Variants in ZNF679 observed in about 807,000 individuals in gnomAD.
ZNF679 encodes hypothetical protein MGC42415.
A neutral mutation model predicts 13.4 loss-of-function variants in ZNF679; 10 were observed. That is an observed-to-expected ratio of 0.75 (90% CI 0.46 to 1.27). The LOEUF is 1.27. Among genes scored for constraint, ZNF679 ranks in the 50% most tolerant of loss-of-function variants. The pLI is 0.00. For synonymous variants in ZNF679, 179 were observed against 162.5 expected (o/e 1.10, Z -0.77); for missense variants, 525 against 477.8 (o/e 1.10, Z -0.92).
intron 2 of ZNF679, among the ~76,000 whole-genome samples, chr7:64,251,289 T>C (rs1253874760): frequency 2.0e-5 from 3 of 151,866 alleles, no homozygotes. Flanking sequence ...CCATCTCTAC[T>C]AAAAATACAA....
intron 2 of ZNF679, among the ~76,000 whole-genome samples, chr7:64,252,652 C>T (rs1285528074): frequency 6.6e-6 from 1 of 152,202 alleles, no homozygotes; most frequent in African/African-American, 2.4e-5. Context: ...TTCATCAAAA[C>T]ATCAGTGTCT....
chr7:64,236,454 A>T (rs1053010936), intron 1 of ZNF679, among the ~76,000 whole-genome samples: 2 of 142,058 alleles, frequency 1.4e-5, no homozygotes, highest in African/African-American at 2.8e-5. Flanking sequence ...TTGTGGGGGG[A>T]AAAAAAAAAG....
chr7:64,244,028 G>T (rs768092698), intron 1 of ZNF679, among the ~76,000 whole-genome samples: 15 of 152,150 alleles, frequency 9.9e-5, no homozygotes, highest in Non-Finnish European at 1.9e-4. Context: ...GAGGCGGGCA[G>T]ATCATGAGGT....
chr7:64,231,539 A>C (rs926366817), intron 1 of ZNF679, among the ~76,000 whole-genome samples: 1 of 152,128 alleles, frequency 6.6e-6, no homozygotes, highest in Non-Finnish European at 1.5e-5. Context: ...GAGCAGAGTC[A>C]TGTCACATAG....
In ZNF679 at chr7:64,266,298, A is replaced by C; in HGVS notation, c.665A>C (p.Asn222Thr). Residue 222 changes from asparagine (N) to threonine (T), a missense_variant, in exon 5 of 5, where the codon AAC becomes ACC. Coordinates refer to ENST00000421025, the MANE Select transcript of ZNF679 (RefSeq NM_153363.3). ...YQCEECGKPF[N>T]CSSTLSKHKR... ...TGTGAAGAATGCGGCAAACCCTTCA[A>C]CTGCTCTTCAACCCTTTCTAAACAT... The C allele has an allele frequency of 6.2e-7, 1 of 1,607,114 alleles. No homozygotes were observed. Among genetic ancestry groups the C allele is most frequent in the Non-Finnish European group, 8.5e-7 (1 of 1,176,474 alleles).
intron 4 of ZNF679, among the ~76,000 whole-genome samples, chr7:64,262,711 T>C (rs1788094145): frequency 6.6e-6 from 1 of 152,214 alleles, no homozygotes; most frequent in Non-Finnish European, 1.5e-5. Flanking sequence ...TCATTGTTAT[T>C]GTTGCTTTTT....
chr7:64,255,344 T>G (rs1787991591), intron 2 of ZNF679, among the ~76,000 whole-genome samples: 1 of 152,174 alleles, frequency 6.6e-6, no homozygotes, highest in African/African-American at 2.4e-5. Context: ...CCTCAAGTAT[T>G]CCACCACAGC....
chr7:64,244,279 C>T (rs1278627347), intron 1 of ZNF679, among the ~76,000 whole-genome samples: 3 of 152,020 alleles, frequency 2.0e-5, no homozygotes, highest in Non-Finnish European at 2.9e-5. Flanking sequence ...AATAATTAAG[C>T]TGACTTTTAA....
chr7:64,265,778 TG>T, intron 4 of ZNF679, 117 bp from the exon 5 acceptor site: 1 of 1,119,858 alleles, frequency 8.9e-7, no homozygotes, highest in Non-Finnish European at 1.2e-6. Context: ...TTATGGCCTG[TG>T]GTAATTTGAT....
At chr7:64,249,964 C>T (rs1248491126) in intron 2 of ZNF679, among the ~76,000 whole-genome samples, 1 of 152,080 alleles carries the variant, frequency 6.6e-6, no homozygotes, top group African/African-American at 2.4e-5. Context: ...GCCTCAGGCT[C>T]CCAAGTAGCT....
At chr7:64,236,698 CTG>C (rs1787716836) in intron 1 of ZNF679, among the ~76,000 whole-genome samples, 1 of 151,382 alleles carries the variant, frequency 6.6e-6, no homozygotes, top group Non-Finnish European at 1.5e-5. Context: ...AGAAGCATCA[CTG>C]AAACTCAGGA....
intron 1 of ZNF679, among the ~76,000 whole-genome samples, chr7:64,235,531 G>A (rs948966196): frequency 2.0e-5 from 3 of 152,156 alleles, no homozygotes; most frequent in Non-Finnish European, 2.9e-5. Context: ...GCTCATGCCT[G>A]TAATCCCAGC....
In ZNF679 at chr7:64,231,836, A is replaced by C. The variant is rs185382463; in HGVS notation, c.-91+3184A>C. ...CCCAGGCAAAAAAGTAAAAGCAGTC[A>C]GGTGCTAGGCAAAGGTAGATGTCAC... On this transcript the variant is annotated intron_variant, in intron 1 of 4. Transcript: ENST00000421025. Among the ~76,000 whole-genome samples, 43 of 152,334 alleles carry C rather than the reference A, an allele frequency of 2.8e-4. No individual in the cohort carries two copies. The East Asian group carries it at 5.8e-3, about 20-fold the overall frequency.
Position 64,260,930 on chromosome 7 carries a change from G to GT in ZNF679, c.262+2dup. ...AATGAGATGGTAACCAAACACCCAG[G>GT]TAAGTGAGAGTGGATGAAGCGGATG... On this transcript the variant is annotated splice_donor_variant, in intron 4 of 4. Transcript: ENST00000421025. LOFTEE classifies it high-confidence loss of function. 6.2e-7 allele frequency: 1 copy of GT among 1,608,388 alleles called. No homozygotes were observed. The highest frequency in any genetic ancestry group is 1.1e-5 in the South Asian group (1 of 89,946).
At chr7:64,261,339 T>G (rs931311434) in intron 4 of ZNF679, among the ~76,000 whole-genome samples, 2 of 152,174 alleles carry the variant, frequency 1.3e-5, no homozygotes, top group Non-Finnish European at 2.9e-5. Flanking sequence ...GGTTGTCCGT[T>G]TTTCTGCACA....
chr7:64,233,763 G>C (rs1787672962), intron 1 of ZNF679, among the ~76,000 whole-genome samples: 1 of 152,170 alleles, frequency 6.6e-6, no homozygotes, highest in Non-Finnish European at 1.5e-5. Context: ...ATTTAATCTG[G>C]TAGATCCTTA....
chr7:64,251,586 G>C (rs748095094), intron 2 of ZNF679, among the ~76,000 whole-genome samples: 23 of 152,012 alleles, frequency 1.5e-4, no homozygotes, highest in Non-Finnish European at 2.4e-4. Flanking sequence ...GAGTTTTTTT[G>C]GGGGAAACCC....
chr7:64,246,947 G>C (rs1459562105), intron 1 of ZNF679, among the ~76,000 whole-genome samples: 2 of 152,168 alleles, frequency 1.3e-5, no homozygotes, highest in Non-Finnish European at 2.9e-5. Context: ...TAAACAAGGG[G>C]TGGATTGTTC....
intron 1 of ZNF679, among the ~76,000 whole-genome samples, chr7:64,232,681 G>T (rs1219248650): frequency 6.6e-6 from 1 of 152,134 alleles, no homozygotes; most frequent in African/African-American, 2.4e-5. Flanking sequence ...TTGGGTGCTG[G>T]GCCCAGTGAT....
Sources: gnomAD v4.1 joint callset for allele counts (sites outside exome capture counted in the v4.1 genomes callset) on GRCh38, gnomAD v4.1.1 for gene constraint, MANE v1.5 for transcripts, NCBI Gene and HGNC (gene_info 2026-07-23, HGNC 2026-07-21) for gene names.